Variants in OR51B5 observed in about 807,000 individuals in gnomAD.
OR51B5 encodes olfactory receptor 51B5.
For synonymous variants in OR51B5, 186 were observed against 144.8 expected, an observed-to-expected ratio of 1.28 and a Z score of -2.04; for missense variants, 456 against 374.6, an observed-to-expected ratio of 1.22 and a Z score of -1.79.
intron 1 of OR51B5, among the ~76,000 whole-genome samples, chr11:5,398,981 T>A (rs1425786313): frequency 6.6e-6 from 1 of 152,148 alleles, no homozygotes; most frequent in South Asian, 2.1e-4. Context: ...CATTCAGGAC[T>A]CCCAACCCCA....
At chr11:5,445,825 G>C (rs1453925615) in intron 1 of OR51B5, among the ~76,000 whole-genome samples, 2 of 151,774 alleles carry the variant, frequency 1.3e-5, no homozygotes, top group African/African-American at 2.4e-5. Context: ...GTGTGTTGTT[G>C]TTACAACTTA....
At chr11:5,474,155 T>C (rs1033111427) in intron 1 of OR51B5, among the ~76,000 whole-genome samples, 4 of 152,200 alleles carry the variant, frequency 2.6e-5, no homozygotes, top group Non-Finnish European at 5.9e-5. Flanking sequence ...AATCTTCATA[T>C]GCATTATTTA....
intron 1 of OR51B5, among the ~76,000 whole-genome samples, chr11:5,379,850 C>T (rs571632543): frequency 1.3e-5 from 2 of 152,250 alleles, no homozygotes; most frequent in African/African-American, 4.8e-5. Context: ...GGCGTCCTCT[C>T]TCATCATGTG....
chr11:5,475,898 A>G (rs1244537812), intron 1 of OR51B5, among the ~76,000 whole-genome samples: 1 of 106,310 alleles, frequency 9.4e-6, no homozygotes, highest in East Asian at 3.3e-4. Flanking sequence ...TATTCAACCT[A>G]TGTTTCTTTG....
At position 5,457,539 on chromosome 11, in the gene OR51B5, T is replaced by G. The variant is rs1006464231; in HGVS notation, n.84+48030A>C. 6.6e-5 allele frequency among the ~76,000 whole-genome samples: 10 copies of G among 152,304 alleles called. No individual in the cohort carries two copies. The South Asian group carries it at 1.9e-3, about 28-fold the overall frequency. On this transcript the variant is annotated intron_variant and non_coding_transcript_variant, in intron 1 of 4. Coordinates refer to the OR51B5 transcript ENST00000415970. ...GTAGCTCTAAGTTATGTGAGAAATATCCAAACTTCTTTCCACAGTGGCTGA... is the reference window on the plus strand; with the variant it reads ...GTAGCTCTAAGTTATGTGAGAAATAGCCAAACTTCTTTCCACAGTGGCTGA...
At chr11:5,373,662 G>T (rs532705309) in intron 1 of OR51B5, among the ~76,000 whole-genome samples, 1 of 152,160 alleles carries the variant, frequency 6.6e-6, no homozygotes, top group Non-Finnish European at 1.5e-5. Context: ...AGGAAATGGC[G>T]CACCAGGAGA....
intron 1 of OR51B5, chr11:5,455,344 T>C (rs917917638): frequency 1.0e-5 from 1 of 99,470 alleles, no homozygotes; most frequent in African/African-American, 3.2e-5. Flanking sequence ...CAGTCTAGGA[T>C]TTCCAGTTGC....
At chr11:5,346,505 T>C (rs946057950), upstream of OR51B5, among the ~76,000 whole-genome samples, 7 of 152,220 alleles carry the variant, frequency 4.6e-5, no homozygotes, top group Non-Finnish European at 8.8e-5. Flanking sequence ...ACAGCCATAA[T>C]TTTTCTCTGC....
At chr11:5,498,877 G>A (rs1851684896) in intron 1 of OR51B5, among the ~76,000 whole-genome samples, 1 of 152,114 alleles carries the variant, frequency 6.6e-6, no homozygotes, top group Non-Finnish European at 1.5e-5. Context: ...TTTTGCCACA[G>A]GCCTTATCCT....
At chr11:5,340,574 T>C (rs1451693417), downstream of OR51B5, 1 of 152,034 alleles carries the variant, frequency 6.6e-6, no homozygotes, top group Non-Finnish European at 1.5e-5. Context: ...TCAGTTTTCA[T>C]AGGGAACAAT....
At chr11:5,500,568 T>G (rs1454964771) in intron 1 of OR51B5, among the ~76,000 whole-genome samples, 1 of 148,008 alleles carries the variant, frequency 6.8e-6, no homozygotes, top group African/African-American at 2.4e-5. Context: ...CATAAGAGAC[T>G]CTGCCAAAAC....
chr11:5,399,511 A>G (rs1397200103), intron 1 of OR51B5, among the ~76,000 whole-genome samples: 2 of 152,318 alleles, frequency 1.3e-5, no homozygotes, highest in East Asian at 3.9e-4. Context: ...ACCGAACATA[A>G]GATTCACCTC....
At chr11:5,503,732 T>C (rs1031585246) in intron 1 of OR51B5, among the ~76,000 whole-genome samples, 1 of 152,206 alleles carries the variant, frequency 6.6e-6, no homozygotes, top group Non-Finnish European at 1.5e-5. Flanking sequence ...ATGTAGGCTA[T>C]GGTAATGACG....
chr11:5,358,429 C>A (rs1252785077), intron 1 of OR51B5, among the ~76,000 whole-genome samples: 1 of 152,136 alleles, frequency 6.6e-6, no homozygotes, highest in Non-Finnish European at 1.5e-5. Context: ...TACACCCTCC[C>A]AAGACTAAAC....
intron 1 of OR51B5, among the ~76,000 whole-genome samples, chr11:5,458,492 A>C (rs919360029): frequency 2.6e-5 from 4 of 152,092 alleles, no homozygotes; most frequent in Non-Finnish European, 5.9e-5. Flanking sequence ...CCTAATTCTG[A>C]GAAGATGTTG....
upstream of OR51B5, chr11:5,347,016 A>G (rs922319854): frequency 2.0e-5 from 3 of 152,102 alleles, no homozygotes; most frequent in African/African-American, 7.2e-5. Flanking sequence ...CTCTGTATTA[A>G]CTCCTCCTTA....
intron 1 of OR51B5, chr11:5,469,217 GA>G (rs58849486): frequency 6.2e-6 from 1 of 160,608 alleles, no homozygotes; most frequent in South Asian, 1.8e-4. Flanking sequence ...GTCATTAACA[GA>G]AAAAAGAGAC....
chr11:5,477,171 C>A (rs1405372584), intron 1 of OR51B5, among the ~76,000 whole-genome samples: 1 of 152,054 alleles, frequency 6.6e-6, no homozygotes, highest in East Asian at 2.0e-4. Flanking sequence ...TATCCAAACT[C>A]ATCAACTGAA....
chr11:5,457,698 A>G lies in OR51B5; in HGVS notation n.84+47871T>C, dbSNP rs137966427. Among the ~76,000 whole-genome samples the G allele has an allele frequency of 8.7e-3, 1,319 of 152,218 alleles. 17 individuals carry two copies. The highest frequency in any genetic ancestry group is 0.029 in the African/African-American group (1,219 of 41,544). ...GAGATGATATCTCATTGAGGTTTTC[A>G]TTTGCATTTCTCTAATGATTAATAA... On this transcript the variant is annotated intron_variant and non_coding_transcript_variant, in intron 1 of 4. Coordinates refer to the OR51B5 transcript ENST00000415970.
Sources: allele counts gnomAD v4.1 joint callset (sites outside exome capture counted in the v4.1 genomes callset), GRCh38; gene constraint gnomAD v4.1.1; transcripts MANE v1.5; gene names NCBI Gene and HGNC (gene_info 2026-07-23, HGNC 2026-07-21).